CD302: variants seen among roughly 807,000 people sequenced by gnomAD.
The protein encoded by CD302 is CD302 antigen.
In CD302, 23 loss-of-function variants were observed where a neutral mutation model predicts 26.5. The observed-to-expected ratio is 0.87, with a 90% CI of 0.62 to 1.23. The LOEUF (loss-of-function observed/expected upper bound fraction) is 1.23, where lower values mean the gene tolerates loss of function less well. CD302 is among the 50% of genes most tolerant of loss of function. The pLI, the probability that CD302 is intolerant of heterozygous loss-of-function variation, is 0.00. For synonymous variants in CD302, 90 were observed against 99.4 expected, an observed-to-expected ratio of 0.91 and a Z score of 0.56; for missense variants, 290 against 275.5, an observed-to-expected ratio of 1.05 and a Z score of -0.37.
chr2:159,793,231 C>T (rs1329712340), intron 1 of CD302, among the ~76,000 whole-genome samples: 3 of 152,062 alleles, frequency 2.0e-5, no homozygotes, highest in South Asian at 2.1e-4. Flanking sequence ...TTCTTTAATA[C>T]GTACAGAAAT....
chr2:159,780,613 C>T (rs1708478040), intron 3 of CD302, among the ~76,000 whole-genome samples: 1 of 152,100 alleles, frequency 6.6e-6, no homozygotes, highest in South Asian at 2.1e-4. Context: ...GACACTAATA[C>T]TTACCTTTAT....
rs1056504558 is a variant in CD302, at chr2:159,769,717, TAAATC to T, written c.*2129_*2133del. 2 of 152,150 alleles carry T rather than the reference TAAATC, an allele frequency of 1.3e-5. No homozygotes were observed. The highest frequency in any genetic ancestry group is 4.8e-5 in the African/African-American group (2 of 41,422). 9.4% of individuals were successfully genotyped at this position (152,150 alleles called of 1,614,324 possible). A position where few individuals can be genotyped will look rare whatever the true frequency, so the allele number is the denominator to read the frequency against. On this transcript the variant is annotated 3_prime_UTR_variant, in exon 6 of 6. Coordinates refer to ENST00000259053, the MANE Select transcript of CD302 (RefSeq NM_014880.5). ...AAAAATGAAACCAAATATTGAAAAT[TAAATC>T]AGAGTTTAAAGCAGCTATTTTGGAA...
Position 159,773,130 on chromosome 2 carries a change from T to C in CD302, c.497-1077A>G, listed in dbSNP as rs532556487. ...GCCTTCTGGGTGCCAGGGATTCTCA[T>C]GTGTCAGCCTGGGTAGCTGAGATGA... On this transcript the variant is annotated intron_variant, in intron 5 of 5. Transcript: ENST00000259053. 3.3e-5 allele frequency among the ~76,000 whole-genome samples: 5 copies of C among 152,254 alleles called. No homozygotes were observed. The East Asian group carries it at 7.7e-4, about 24-fold the overall frequency.
Position 159,772,057 on chromosome 2 carries a change from A to G in CD302, c.497-4T>C. 6.2e-7 allele frequency: 1 copy of G among 1,613,676 alleles called. No homozygotes were observed. The highest frequency in any genetic ancestry group is 8.5e-7 in the Non-Finnish European group (1 of 1,179,742). On this transcript the variant is annotated splice_region_variant and splice_polypyrimidine_tract_variant and intron_variant, in intron 5 of 5. Coordinates refer to ENST00000259053, the MANE Select transcript of CD302 (RefSeq NM_014880.5). Reference sequence around the variant, plus strand: ...GCTGATATTAAAATGTGGTTATCTGAAAAGGAAAAGACAAAAGAGTATTTG... The same window carrying G: ...GCTGATATTAAAATGTGGTTATCTGGAAAGGAAAAGACAAAAGAGTATTTG...
In CD302 at chr2:159,772,000, CTG is replaced by C; in HGVS notation, c.548_549del (p.Thr183SerfsTer15). 1.2e-6 allele frequency: 2 copies of C among 1,613,966 alleles called. No homozygotes were observed. The highest frequency in any genetic ancestry group is 8.5e-7 in the Non-Finnish European group (1 of 1,179,930). ...ALVIASTVILTVLGAIIWFLY... is the reference protein window; with the variant it reads ...ALVIASTVILXVLGAIIWFLY... The stretch of plus-strand genomic sequence containing the variant: ...AGGAACCAAATGATTGCTCCCAAAA[CTG>C]TCAAAATTACCGTGCTAGCAATCAC... On this transcript the variant is annotated frameshift_variant, in exon 6 of 6. Coordinates refer to ENST00000259053, the MANE Select transcript of CD302 (RefSeq NM_014880.5). LOFTEE classifies it high-confidence loss of function.
chr2:159,771,896 AAC>A lies in CD302; in HGVS notation c.652_653del (p.Val218PhefsTer8). 6.2e-7 allele frequency: 1 copy of A among 1,614,012 alleles called. No individual in the cohort carries two copies. The highest frequency in any genetic ancestry group is 8.5e-7 in the Non-Finnish European group (1 of 1,179,910). On this transcript the variant is annotated frameshift_variant, in exon 6 of 6. Coordinates refer to ENST00000259053, the MANE Select transcript of CD302 (RefSeq NM_014880.5). LOFTEE classifies it high-confidence loss of function. ...APQSPYNEDC[V>X]LVVGEENEYP... ...ATTCATTTTCTTCTCCAACTACCAAAACACAGTCTTCATTATAAGGTGATTGG... is the reference window on the plus strand; with the variant it reads ...ATTCATTTTCTTCTCCAACTACCAAAACAGTCTTCATTATAAGGTGATTGG...
chr2:159,793,232 G>A (rs959914404), intron 1 of CD302, among the ~76,000 whole-genome samples: 3 of 151,948 alleles, frequency 2.0e-5, no homozygotes, highest in Non-Finnish European at 2.9e-5. Flanking sequence ...TCTTTAATAC[G>A]TACAGAAATT....
chr2:159,788,907 G>A (rs936710812), intron 1 of CD302, among the ~76,000 whole-genome samples: 1 of 152,016 alleles, frequency 6.6e-6, no homozygotes, highest in Non-Finnish European at 1.5e-5. Flanking sequence ...ACCATGTCCT[G>A]TATATCCTTT....
chr2:159,790,131 G>A (rs1278869297), intron 1 of CD302, among the ~76,000 whole-genome samples: 1 of 152,262 alleles, frequency 6.6e-6, no homozygotes, highest in African/African-American at 2.4e-5. Context: ...TATGTGTTAG[G>A]TATAATGCTT....
At chr2:159,773,098 A>G (rs1200658594) in intron 5 of CD302, among the ~76,000 whole-genome samples, 3 of 152,212 alleles carry the variant, frequency 2.0e-5, no homozygotes, top group Non-Finnish European at 2.9e-5. Context: ...TGGCTACGGC[A>G]ACCTCCGCCT....
rs1708152284 is a variant in CD302 at position 159,771,766 on chromosome 2, A to G, written c.*85T>C. ...GAATACCATTAAAGCTCTAATATCC[A>G]ATGTCAAGTTTTATATTAAAATCTT... On this transcript the variant is annotated 3_prime_UTR_variant, in exon 6 of 6. Coordinates refer to ENST00000259053, the MANE Select transcript of CD302 (RefSeq NM_014880.5). The G allele has an allele frequency of 7.0e-7, 1 of 1,436,926 alleles. No homozygotes were observed. The highest frequency in any genetic ancestry group is 1.4e-5 in the African/African-American group (1 of 70,308). 89.0% of individuals were successfully genotyped at this position (1,436,926 alleles called of 1,614,324 possible). A position where few individuals can be genotyped will look rare whatever the true frequency, so the allele number is the denominator to read the frequency against.
intron 2 of CD302, among the ~76,000 whole-genome samples, chr2:159,782,164 A>C (rs1015394699): frequency 5.9e-5 from 9 of 152,056 alleles, no homozygotes; most frequent in Non-Finnish European, 1.0e-4. Context: ...GCTACTCGGG[A>C]GGCTGAGGCA....
At chr2:159,778,478 A>T (rs1012034106) in intron 4 of CD302, among the ~76,000 whole-genome samples, 1 of 152,228 alleles carries the variant, frequency 6.6e-6, no homozygotes, top group African/African-American at 2.4e-5. Context: ...AACTATGACG[A>T]ACATTTTGAT....
At chr2:159,778,190 T>A (rs67300624) in intron 4 of CD302, among the ~76,000 whole-genome samples, 4 of 151,986 alleles carry the variant, frequency 2.6e-5, no homozygotes, top group East Asian at 1.9e-4. Flanking sequence ...ATGCATTAGC[T>A]TGGTTGGTGG....
chr2:159,774,662 T>C (rs1708257878), intron 5 of CD302, among the ~76,000 whole-genome samples: 1 of 152,342 alleles, frequency 6.6e-6, no homozygotes, highest in African/African-American at 2.4e-5. Flanking sequence ...TGTCTACTTA[T>C]CCTTGAAGAT....
rs145774512 is a variant in CD302, at chr2:159,797,199, G to T, written c.67+933C>A. On this transcript the variant is annotated intron_variant, in intron 1 of 5. Coordinates refer to ENST00000259053, the MANE Select transcript of CD302 (RefSeq NM_014880.5). ...TCGAGCAGGCAGTTATTATAAAAAC[G>T]CAGTGAAATCTGGGGCAAGGGGTGG... 5.6e-3 allele frequency among the ~76,000 whole-genome samples: 674 copies of T among 120,744 alleles called. 5 individuals are homozygous for T. The highest frequency in any genetic ancestry group is 0.021 in the African/African-American group (630 of 30,622). The allele number at this position is 120,744 out of a possible 152,430, so 79.2% of individuals were successfully genotyped here.
At chr2:159,776,824 A>C (rs926753675) in intron 5 of CD302, among the ~76,000 whole-genome samples, 1 of 148,938 alleles carries the variant, frequency 6.7e-6, no homozygotes, top group African/African-American at 2.5e-5. Context: ...CCCTGCCTCA[A>C]CCTCCCAAGT....
intron 5 of CD302, among the ~76,000 whole-genome samples, chr2:159,776,798 A>G (rs1049650661): frequency 1.4e-5 from 2 of 146,740 alleles, no homozygotes; most frequent in Non-Finnish European, 3.0e-5. Flanking sequence ...TCCGCCTCCC[A>G]AATTCATGCA....
At chr2:159,777,601 T>C (rs1708374102) in intron 5 of CD302, among the ~76,000 whole-genome samples, 1 of 152,182 alleles carries the variant, frequency 6.6e-6, no homozygotes, top group Non-Finnish European at 1.5e-5. Context: ...AGTTTAAAAC[T>C]AGAAGTGATC....
Sources: gnomAD v4.1 joint callset for allele counts (sites outside exome capture counted in the v4.1 genomes callset) on GRCh38, gnomAD v4.1.1 for gene constraint, MANE v1.5 for transcripts, NCBI Gene and HGNC (gene_info 2026-07-23, HGNC 2026-07-21) for gene names.